The following DNAH9 variants were observed in gnomAD, a reference collection of about 807,000 sequenced individuals.
DNAH9 encodes the protein dynein axonemal heavy chain 9, also known as DNAH9 variant protein.
In DNAH9, 345 loss-of-function variants were observed where a neutral mutation model predicts 471.6. The observed-to-expected ratio is 0.73, with a 90% CI of 0.67 to 0.80. DNAH9 has a LOEUF of 0.80. Among genes scored for constraint, DNAH9 ranks in the 30% least tolerant of loss-of-function variants. The pLI, the probability that DNAH9 is intolerant of heterozygous loss-of-function variation, is 0.00. For synonymous variants in DNAH9, 2,093 were observed against 2,123.6 expected (o/e 0.99, Z 0.40); for missense variants, 5,407 against 5,609.2 (o/e 0.96, Z 1.15).
chr17:11,665,297 G>T (rs1040642168), intron 15 of DNAH9, among the ~76,000 whole-genome samples: 11 of 152,202 alleles, frequency 7.2e-5, no homozygotes, highest in Non-Finnish European at 1.5e-4. Flanking sequence ...TAGCAATAAA[G>T]GCAGAAGGCT....
At chr17:11,732,241 G>A (rs531043077) in intron 28 of DNAH9, among the ~76,000 whole-genome samples, 4 of 152,302 alleles carry the variant, frequency 2.6e-5, no homozygotes, top group Admixed American at 2.6e-4. Flanking sequence ...AATGAAATAA[G>A]TTTAACTGGG....
At chr17:11,762,758 G>GTTTTTTTTGTTGTTGTTT (rs1967733702) in intron 35 of DNAH9, among the ~76,000 whole-genome samples, 1 of 94,790 alleles carries the variant, frequency 1.1e-5, no homozygotes, top group Non-Finnish European at 2.1e-5. Context: ...CTTTAGGTGC[G>GTTTTTTTTGTTGTTGTTT]TTTTTTTTTT....
At chr17:11,762,770 G>GTTGTTGTTTT (rs1967746481) in intron 35 of DNAH9, among the ~76,000 whole-genome samples, 51 of 90,790 alleles carry the variant, frequency 5.6e-4, no homozygotes, top group Non-Finnish European at 7.0e-4. Flanking sequence ...TTTTTTTTTT[G>GTTGTTGTTTT]TTTTTTTTTT....
At chr17:11,666,748 G>A (rs910878420) in intron 15 of DNAH9, among the ~76,000 whole-genome samples, 10 of 152,150 alleles carry the variant, frequency 6.6e-5, no homozygotes, top group Non-Finnish European at 1.3e-4. Flanking sequence ...CAATAAATGA[G>A]GGTAAGGCCC....
intron 30 of DNAH9, among the ~76,000 whole-genome samples, chr17:11,742,996 C>T (rs2078552077): frequency 1.3e-5 from 2 of 152,152 alleles, no homozygotes; most frequent in African/African-American, 2.4e-5. Context: ...TCTTTCCCAA[C>T]GTTGACTTCC....
chr17:11,771,694 C>T (rs924460193), intron 38 of DNAH9, among the ~76,000 whole-genome samples: 5 of 152,126 alleles, frequency 3.3e-5, no homozygotes, highest in African/African-American at 9.7e-5. Context: ...AATATGTACC[C>T]TTATTTTCAA....
rs769552582 is a variant in DNAH9, at chr17:11,932,162, T to C, written c.12254T>C (p.Ile4085Thr). 3.9e-5 allele frequency: 63 copies of C among 1,613,916 alleles called. No homozygotes were observed. The South Asian group carries it at 6.7e-4, about 17-fold the overall frequency. ...SYPFNTGDLT[I>T]SVNVLYNFLE... is the part of the protein sequence containing the mutation. ...CCCTTTAACACTGGAGACCTCACTATCTCTGTGAATGTCCTCTACAACTTC... is the reference window on the plus strand; with the variant it reads ...CCCTTTAACACTGGAGACCTCACTACCTCTGTGAATGTCCTCTACAACTTC... The change falls in exon 64 of 69, where the codon ATC (isoleucine) becomes ACC (threonine). Residue 4085 changes from isoleucine to threonine, a missense_variant. Ile to Thr is a moderately conservative substitution (Grantham distance 89). Around this residue, in one of 3 missense-constraint regions of DNAH9, gnomAD observed 4,636 missense variants for 4,900.3 expected, o/e 0.95. Transcript: ENST00000262442. The surrounding 1 kb of genome is among the most constrained non-coding windows in gnomAD (Gnocchi z 4.3).
At chr17:11,903,213 C>T (rs1973473985) in intron 60 of DNAH9, among the ~76,000 whole-genome samples, 1 of 152,174 alleles carries the variant, frequency 6.6e-6, no homozygotes, top group Non-Finnish European at 1.5e-5. Context: ...GTGACAGGCA[C>T]CTGTAATCCC....
chr17:11,607,629 G>A (rs968249030), intron 1 of DNAH9, among the ~76,000 whole-genome samples: 3 of 152,106 alleles, frequency 2.0e-5, no homozygotes, highest in African/African-American at 7.2e-5. Flanking sequence ...GAGTGCAGTG[G>A]TGTGATCTCG....
chr17:11,932,194 G>C lies in DNAH9; in HGVS notation c.12286G>C (p.Ala4096Pro). The change falls in exon 64 of 69, where the codon GCC (alanine) becomes CCC (proline). Residue 4096 changes from alanine to proline, a missense_variant. Around this residue, in one of 3 missense-constraint regions of DNAH9, gnomAD observed 4,636 missense variants for 4,900.3 expected, o/e 0.95. Coordinates refer to ENST00000262442, the MANE Select transcript of DNAH9 (RefSeq NM_001372.4). The surrounding 1 kb of genome is among the most constrained non-coding windows in gnomAD (Gnocchi z 4.3). Reference sequence around the variant, plus strand: ...GAATGTCCTCTACAACTTCCTGGAGGCCAACGCAAAGGTAAAGGCCATGGA... The same window carrying C: ...GAATGTCCTCTACAACTTCCTGGAGCCCAACGCAAAGGTAAAGGCCATGGA... ...SVNVLYNFLE[A>P]NAKVPYDDLR... 1 of 1,613,946 alleles carries C rather than the reference G, an allele frequency of 6.2e-7. No homozygotes were observed. The highest frequency in any genetic ancestry group is 8.5e-7 in the Non-Finnish European group (1 of 1,179,946).
rs8065057 is a variant in DNAH9 at position 11,636,762 on chromosome 17, C to T, written c.1764C>T (p.His588=). 4,301 of 1,614,006 alleles carry T rather than the reference C, an allele frequency of 2.7e-3. 92 individuals carry two copies. In the African/African-American group the frequency reaches 0.046, roughly 17 times the overall value. ...CAGTGAGGATGATCTACAGTCAGCACGTCCAGGAGGAAGCAGAACTTGGTA... is the reference window on the plus strand; with the variant it reads ...CAGTGAGGATGATCTACAGTCAGCATGTCCAGGAGGAAGCAGAACTTGGTA... The part of the protein sequence containing the change: ...LDAVRMIYSQ[H]VQEEAELGFS... Residue 588 remains histidine (H), a synonymous_variant, in exon 9 of 69, where the codon CAC becomes CAT. Transcript: ENST00000262442.
Position 11,969,347 on chromosome 17 carries a change from G to A in DNAH9, c.13281G>A (p.Met4427Ile), listed in dbSNP as rs1181563656. Residue 4427 changes from methionine (M) to isoleucine (I), a missense_variant, in exon 69 of 69, where the codon ATG becomes ATA. Physicochemically the swap from Met to Ile is conservative, Grantham distance 10. Coordinates refer to ENST00000262442, the MANE Select transcript of DNAH9 (RefSeq NM_001372.4). ...AGCTGAAGGATCTGACACCCCCTAT[G>A]CCTGTGATGTTCATCAAGGCCATTC... ...EAKLKDLTPP[M>I]PVMFIKAIPA... The A allele has an allele frequency of 6.2e-7, 1 of 1,614,028 alleles. No homozygotes were observed. The highest frequency in any genetic ancestry group is 8.5e-7 in the Non-Finnish European group (1 of 1,180,004).
chr17:11,610,847 C>T (rs895181618), intron 3 of DNAH9, among the ~76,000 whole-genome samples: 2 of 152,146 alleles, frequency 1.3e-5, no homozygotes, highest in Non-Finnish European at 2.9e-5. Flanking sequence ...TTAATCAACT[C>T]TTTAACATTT....
chr17:11,649,083 C>A (rs528141210), intron 12 of DNAH9, among the ~76,000 whole-genome samples: 1 of 150,748 alleles, frequency 6.6e-6, no homozygotes, highest in Admixed American at 6.6e-5. Flanking sequence ...GCCGAGATTG[C>A]GCCATTGCAC....
intron 43 of DNAH9, among the ~76,000 whole-genome samples, chr17:11,805,330 C>T (rs540994016): frequency 1.3e-5 from 2 of 152,092 alleles, no homozygotes; most frequent in African/African-American, 4.8e-5. Context: ...TGAACCCCAC[C>T]CACCAAAACC....
At chr17:11,677,100 G>A (rs1399329183) in intron 17 of DNAH9, among the ~76,000 whole-genome samples, 1 of 151,990 alleles carries the variant, frequency 6.6e-6, no homozygotes, top group African/African-American at 2.4e-5. Context: ...TGAAAATAAT[G>A]TATATTCTGT....
chr17:11,642,210 G>A (rs1205834167), intron 10 of DNAH9, among the ~76,000 whole-genome samples: 4 of 152,152 alleles, frequency 2.6e-5, no homozygotes, highest in South Asian at 2.1e-4. Context: ...TATAATTCCC[G>A]TGAAAACTCC....
intron 45 of DNAH9, among the ~76,000 whole-genome samples, chr17:11,820,989 G>A (rs1234656901): frequency 3.9e-5 from 6 of 152,052 alleles, no homozygotes; most frequent in Non-Finnish European, 7.4e-5. Context: ...TGCTGTATAA[G>A]ATCAAGATCT....
intron 34 of DNAH9, among the ~76,000 whole-genome samples, chr17:11,757,281 T>G (rs1365316838): frequency 1.3e-5 from 2 of 152,078 alleles, no homozygotes; most frequent in East Asian, 3.9e-4. Flanking sequence ...ATCCCAGCAC[T>G]TTAGGAGGCT....
Sources: allele counts gnomAD v4.1 joint callset (sites outside exome capture counted in the v4.1 genomes callset), GRCh38; gene constraint gnomAD v4.1.1; regional missense constraint gnomAD v4.1.1; non-coding constraint Gnocchi (gnomAD v3.1); transcripts MANE v1.5; gene names NCBI Gene and HGNC (gene_info 2026-07-23, HGNC 2026-07-21).